Variants in PRR4 observed in about 807,000 individuals in gnomAD.
PRR4 encodes the protein proline-rich protein 4.
Under a neutral mutation model 7.6 loss-of-function variants are expected in PRR4, and 7 were observed. That is an observed-to-expected ratio of 0.92 (90% confidence interval 0.52 to 1.73). The LOEUF is 1.73. PRR4 is among the 40% of genes most tolerant of loss of function. The pLI, the probability that PRR4 is intolerant of heterozygous loss-of-function variation, is 0.00. For synonymous variants in PRR4, 64 were observed against 58.5 expected (o/e 1.09, Z -0.43); for missense variants, 187 against 161.0 (o/e 1.16, Z -0.87).
intron 2 of PRR4, among the ~76,000 whole-genome samples, chr12:10,847,760 C>T (rs751857333): frequency 6.6e-6 from 1 of 151,852 alleles, no homozygotes; most frequent in African/African-American, 2.4e-5. Context: ...CAAACTGTGA[C>T]TCCATCTCTG....
At chr12:10,848,638 T>A in intron 1 of PRR4, 3 of 420,428 alleles carry the variant, frequency 7.1e-6, no homozygotes, top group Non-Finnish European at 1.3e-5. Context: ...CTTTTTGTCA[T>A]CCTTAGGATC....
Position 10,848,365 on chromosome 12 carries a change from G to T in PRR4, c.100+7C>A, listed in dbSNP as rs1251425926. The T allele has an allele frequency of 6.2e-7, 1 of 1,605,278 alleles. No homozygotes were observed. The highest frequency in any genetic ancestry group is 2.2e-5 in the East Asian group (1 of 44,810). ...AAAGAATTGGATTGAGGATCATTGG[G>T]ATTTACCTGGTATGGTGAAAGTAAA... On this transcript the variant is annotated splice_region_variant and intron_variant, in intron 2 of 3. Transcript: ENST00000228811.
rs1326880172 is a variant in PRR4 at position 10,849,366 on chromosome 12, T to A, written c.64+8A>T. ...CCATCTCCTTTTTTAAAAAAATAAT[T>A]TTTTTACCATTATCTGTGCTCTGAG... is the stretch of plus-strand genomic sequence containing the variant. On this transcript the variant is annotated splice_region_variant and intron_variant, in intron 1 of 3. Transcript: ENST00000228811. 1 of 1,580,568 alleles carries A rather than the reference T, an allele frequency of 6.3e-7. No homozygotes were observed. The highest frequency in any genetic ancestry group is 8.6e-7 in the Non-Finnish European group (1 of 1,165,692).
chr12:10,848,470 G>A (rs1949052498), intron 1 of PRR4, 63 bp from the exon 2 acceptor site: 3 of 1,525,804 alleles, frequency 2.0e-6, no homozygotes, highest in Admixed American at 1.8e-5. Flanking sequence ...GCTCATAGTG[G>A]TCTATAGGGA....
chr12:10,845,852 C>T lies in PRR4; in HGVS notation c.*117G>A, dbSNP rs1591624416. 9.3e-5 allele frequency: 88 copies of T among 946,104 alleles called. No homozygotes were observed. In the East Asian group the frequency reaches 2.8e-3, roughly 30 times the overall value. The allele number at this position is 946,104 out of a possible 1,614,324, so 58.6% of individuals were successfully genotyped here. A position where few individuals can be genotyped will look rare whatever the true frequency, so the allele number is the denominator to read the frequency against. ...AAAGAGAAGCAACAATCAGAAATTG[C>T]ATGCTATTAATATTTTATTGGTATA... On this transcript the variant is annotated 3_prime_UTR_variant, in exon 4 of 4. Transcript: ENST00000228811.
intron 1 of PRR4, 110 bp from the exon 2 acceptor site, chr12:10,848,517 G>T: frequency 1.0e-6 from 1 of 963,480 alleles, no homozygotes; most frequent in Non-Finnish European, 1.6e-6. Flanking sequence ...CATCCCCTAA[G>T]TTACCTCATC....
Position 10,845,939 on chromosome 12 carries a change from CTTAT to C in PRR4, c.*26_*29del. On this transcript the variant is annotated 3_prime_UTR_variant, in exon 4 of 4. Coordinates refer to ENST00000228811, the MANE Select transcript of PRR4 (RefSeq NM_007244.3). ...ATGGCTTTCTGAAGGAAGTTATCTT[CTTAT>C]TTATTTTCTGAAACAAAAAAAAAAA... 7.5e-7 allele frequency: 1 copy of C among 1,327,000 alleles called. No individual in the cohort carries two copies. Among genetic ancestry groups the C allele is most frequent in the Non-Finnish European group, 9.8e-7 (1 of 1,015,578 alleles). The allele number at this position is 1,327,000 out of a possible 1,614,324, so 82.2% of individuals were successfully genotyped here. A position where few individuals can be genotyped will look rare whatever the true frequency, so the allele number is the denominator to read the frequency against.
At chr12:10,848,690 T>A in intron 1 of PRR4, 1 of 362,810 alleles carries the variant, frequency 2.8e-6, no homozygotes, top group Non-Finnish European at 4.9e-6. Context: ...TCTCTGGGTA[T>A]TTTCATGTCA....
chr12:10,847,252 T>G lies in PRR4; in HGVS notation c.216A>C (p.Arg72Ser). The change falls in exon 3 of 4, where the codon AGA becomes AGC. Residue 72 changes from arginine (R) to serine (S), a missense_variant. Coordinates refer to ENST00000228811, the MANE Select transcript of PRR4 (RefSeq NM_007244.3). ...SGNQDDGPQQ[R>S]PPKPGGHHRH... ...GGTGATGGCCTCCTGGTTTTGGTGG[T>G]CTCTGCTGAGGACCATCATCTTGGT... 6.2e-7 allele frequency: 1 copy of G among 1,613,562 alleles called. No homozygotes were observed. The highest frequency in any genetic ancestry group is 8.5e-7 in the Non-Finnish European group (1 of 1,179,784).
chr12:10,847,042 T>C lies in PRR4; in HGVS notation c.*18+3A>G, dbSNP rs749269147. 3 of 1,544,962 alleles carry C rather than the reference T, an allele frequency of 1.9e-6. No individual in the cohort carries two copies. Among genetic ancestry groups the C allele is most frequent in the Middle Eastern group, 1.8e-4 (1 of 5,708 alleles). On this transcript the variant is annotated splice_donor_region_variant and intron_variant, in intron 3 of 3. Coordinates refer to ENST00000228811, the MANE Select transcript of PRR4 (RefSeq NM_007244.3). ...TTTAATGGAGAATGAACTGGAATCA[T>C]ACCTGCCACTGAATTCTAGATTACC...
intron 3 of PRR4, 171 bp downstream of exon 3, chr12:10,846,874 T>C (rs1331454384): frequency 1.0e-5 from 6 of 585,784 alleles, no homozygotes; most frequent in African/African-American, 9.3e-5. Flanking sequence ...GAACCACTTG[T>C]TAAAAATACA....
chr12:10,847,961 G>C (rs10734841), intron 2 of PRR4, among the ~76,000 whole-genome samples: 110,063 of 152,148 alleles, frequency 0.72, 42,559 homozygotes, highest in East Asian at 0.93. Flanking sequence ...CATTCATGCA[G>C]TGATTTTTTT....
At chr12:10,848,486 G>A in intron 1 of PRR4, 79 bp from the exon 2 acceptor site, 5 of 1,390,338 alleles carry the variant, frequency 3.6e-6, no homozygotes, top group Non-Finnish European at 5.0e-6. Flanking sequence ...AGGGAAAGGG[G>A]TCTTCTGGCC....
chr12:10,846,852 T>C, intron 3 of PRR4, 193 bp downstream of exon 3: 1 of 514,006 alleles, frequency 1.9e-6, no homozygotes, highest in Non-Finnish European at 3.2e-6. Context: ...TTTCAAAAGA[T>C]AAGAATTCTT....
rs1949029050 is a variant in PRR4, at chr12:10,847,167, G to C, written c.301C>G (p.Gln101Glu). Residue 101 changes from glutamine (Q) to glutamate (E), a missense_variant, in exon 3 of 4, where the codon CAA becomes GAA. Physicochemically the swap from Gln to Glu is conservative, Grantham distance 29. Coordinates refer to ENST00000228811, the MANE Select transcript of PRR4 (RefSeq NM_007244.3). ...QQRPPRRGHR[Q>E]LSLPRFPSVS... The stretch of plus-strand genomic sequence containing the variant: ...GAAGGAAATCGGGGTAGAGAGAGTT[G>C]ACGGTGTCCTCGTCGGGGTGGTCGT... The C allele has an allele frequency of 6.2e-7, 1 of 1,613,784 alleles. No homozygotes were observed. The highest frequency in any genetic ancestry group is 8.5e-7 in the Non-Finnish European group (1 of 1,179,898).
In PRR4 at chr12:10,847,049, C is replaced by T; in HGVS notation, c.*14G>A. The T allele has an allele frequency of 6.5e-7, 1 of 1,549,106 alleles. No homozygotes were observed. The highest frequency in any genetic ancestry group is 1.7e-4 in the Middle Eastern group (1 of 5,734). Reference sequence around the variant, plus strand: ...GAGAATGAACTGGAATCATACCTGCCACTGAATTCTAGATTACCAGAGTGG... The same window carrying T: ...GAGAATGAACTGGAATCATACCTGCTACTGAATTCTAGATTACCAGAGTGG... On this transcript the variant is annotated 3_prime_UTR_variant, in exon 3 of 4. Coordinates refer to ENST00000228811, the MANE Select transcript of PRR4 (RefSeq NM_007244.3).
intron 3 of PRR4, 54 bp downstream of exon 3, chr12:10,846,991 G>A: frequency 7.1e-7 from 1 of 1,407,018 alleles, no homozygotes; most frequent in African/African-American, 1.4e-5. Flanking sequence ...ACACGATAAA[G>A]TTTGGGAATG....
chr12:10,847,092 T>C lies in PRR4; in HGVS notation c.376A>G (p.Arg126Gly). The C allele has an allele frequency of 6.2e-7, 1 of 1,603,616 alleles. No individual in the cohort carries two copies. The highest frequency in any genetic ancestry group is 8.5e-7 in the Non-Finnish European group (1 of 1,173,408). The part of the protein sequence containing the change: ...SSFFQRDRPA[R>G]HPQEQPLW ...CAGAGTGGTTGCTCCTGGGGATGTC[T>C]TGCTGGTCTGTCCCTCTGGAAGAAT... The change falls in exon 3 of 4, where the codon AGA becomes GGA. Residue 126 changes from arginine (R) to glycine (G), a missense_variant. Physicochemically the swap from Arg to Gly is moderately radical, Grantham distance 125. Transcript: ENST00000228811.
At chr12:10,847,893 G>C (rs897451571) in intron 2 of PRR4, among the ~76,000 whole-genome samples, 1 of 152,160 alleles carries the variant, frequency 6.6e-6, no homozygotes, top group Non-Finnish European at 1.5e-5. Flanking sequence ...CTAAACAGCT[G>C]TGGCAACTAT....
Sources: gnomAD v4.1 joint callset for allele counts (sites outside exome capture counted in the v4.1 genomes callset) on GRCh38, gnomAD v4.1.1 for gene constraint, MANE v1.5 for transcripts, NCBI Gene and HGNC (gene_info 2026-07-23, HGNC 2026-07-21) for gene names.